The following IKBIP variants were observed in gnomAD, a reference collection of about 807,000 sequenced individuals.
IKBIP encodes inhibitor of nuclear factor kappa-B kinase-interacting protein.
In IKBIP, 28 loss-of-function variants were observed where a neutral mutation model predicts 31.0. The observed-to-expected ratio is 0.90, with a 90% CI of 0.67 to 1.24. The LOEUF (loss-of-function observed/expected upper bound fraction) is 1.24. Among genes scored for constraint, IKBIP ranks in the 50% most tolerant of loss-of-function variants. The pLI is 0.00. For synonymous variants in IKBIP, 164 were observed against 160.3 expected (o/e 1.02, Z -0.17); for missense variants, 453 against 441.9 (o/e 1.03, Z -0.23).
intron 2 of IKBIP, among the ~76,000 whole-genome samples, chr12:98,629,572 T>TACAC (rs367822747): frequency 6.6e-6 from 1 of 151,644 alleles, no homozygotes; most frequent in Non-Finnish European, 1.5e-5. Context: ...CATACATACA[T>TACAC]ACACACACAC....
At chr12:98,619,166 C>A (rs192079623) in intron 2 of IKBIP, among the ~76,000 whole-genome samples, 178 of 152,276 alleles carry the variant, frequency 1.2e-3, no homozygotes, top group African/African-American at 3.9e-3. Flanking sequence ...GGAAGGAAAC[C>A]AAGAAGTGAT....
intron 2 of IKBIP, among the ~76,000 whole-genome samples, chr12:98,627,229 A>G (rs1052510270): frequency 6.6e-6 from 1 of 151,776 alleles, no homozygotes; most frequent in African/African-American, 2.4e-5. Flanking sequence ...TCGGCCTCCC[A>G]AAGTACTAGA....
At chr12:98,640,968 G>C (rs2097629867) in intron 1 of IKBIP, among the ~76,000 whole-genome samples, 1 of 151,978 alleles carries the variant, frequency 6.6e-6, no homozygotes, top group Non-Finnish European at 1.5e-5. Context: ...TTACCATGTT[G>C]CCCAGGCTGG....
intron 2 of IKBIP, among the ~76,000 whole-genome samples, chr12:98,627,552 C>A (rs1189575399): frequency 1.3e-5 from 2 of 151,872 alleles, no homozygotes; most frequent in East Asian, 3.9e-4. Context: ...CATTCTCCTG[C>A]CTCAGCCTCC....
chr12:98,625,946 A>G lies in IKBIP; in HGVS notation c.1118T>C (p.Ile373Thr). ...LKEYNIENKG[I>T]GGDF ...GTCATGAATTTAAAAATCACCACCAATTCCTTTATTTTCTATATTATATTC... is the reference window on the plus strand; with the variant it reads ...GTCATGAATTTAAAAATCACCACCAGTTCCTTTATTTTCTATATTATATTC... The change falls in exon 3 of 3, where the codon ATT (isoleucine) becomes ACT (threonine). Residue 373 changes from isoleucine to threonine, a missense_variant. By Grantham distance (89) the Ile-to-Thr change is moderately conservative. Transcript: ENST00000299157. 2.2e-6 allele frequency: 3 copies of G among 1,389,746 alleles called. No homozygotes were observed. The highest frequency in any genetic ancestry group is 2.9e-6 in the Non-Finnish European group (3 of 1,045,176). The allele number at this position is 1,389,746 out of a possible 1,614,324, so 86.1% of individuals were successfully genotyped here.
At chr12:98,622,350 A>G (rs1331049049), downstream of IKBIP, among the ~76,000 whole-genome samples, 1 of 152,038 alleles carries the variant, frequency 6.6e-6, no homozygotes, top group Admixed American at 6.6e-5. Flanking sequence ...ACATAATGAG[A>G]CTGTTTCTAC....
rs560933497 is a variant in IKBIP at position 98,637,662 on chromosome 12, C to T, written c.180-3249G>A. ...GACCTCATGTTCCGCCTGCCTCAGC[C>T]TCCCAAAGTGCTGGGATTACAGGCG... is the stretch of plus-strand genomic sequence containing the variant. On this transcript the variant is annotated intron_variant, in intron 1 of 2. Transcript: ENST00000299157. Among the ~76,000 whole-genome samples, 114 of 152,308 alleles carry T rather than the reference C, an allele frequency of 7.5e-4. 1 individual carries two copies. The highest frequency in any genetic ancestry group is 2.6e-3 in the African/African-American group (107 of 41,574).
At chr12:98,627,915 T>C (rs2097616376) in intron 2 of IKBIP, among the ~76,000 whole-genome samples, 1 of 152,214 alleles carries the variant, frequency 6.6e-6, no homozygotes, top group South Asian at 2.1e-4. Flanking sequence ...CAACAATGAA[T>C]TAAAAAACAG....
intron 2 of IKBIP, among the ~76,000 whole-genome samples, chr12:98,617,123 C>T (rs2097606717): frequency 6.6e-6 from 1 of 152,156 alleles, no homozygotes; most frequent in Non-Finnish European, 1.5e-5. Flanking sequence ...TCTCAAGTTC[C>T]TAGTATGTTG....
chr12:98,613,741 A>G, exon 3 of IKBIP: 2 of 1,612,666 alleles, frequency 1.2e-6, no homozygotes, highest in Admixed American at 1.7e-5. Flanking sequence ...GTGTTAAATC[A>G]TTTACTAATG....
intron 2 of IKBIP, among the ~76,000 whole-genome samples, chr12:98,628,344 C>T (rs1230014816): frequency 6.6e-6 from 1 of 152,236 alleles, no homozygotes; most frequent in Non-Finnish European, 1.5e-5. Context: ...AATTAGCCTA[C>T]ACACTACTAC....
intron 1 of IKBIP, 63 bp downstream of exon 1, chr12:98,644,460 G>A (rs1216581889): frequency 6.1e-6 from 9 of 1,470,800 alleles, no homozygotes; most frequent in Non-Finnish European, 7.3e-6. Flanking sequence ...GTTGAGCCGG[G>A]TGGGAGCCCA....
At chr12:98,618,492 G>C (rs1027131615) in intron 2 of IKBIP, among the ~76,000 whole-genome samples, 61 of 152,002 alleles carry the variant, frequency 4.0e-4, no homozygotes, top group African/African-American at 1.4e-3. Context: ...CGGGCGTAGT[G>C]GTGGGCGCCT....
exon 3 of IKBIP, chr12:98,614,213 A>G: frequency 6.2e-7 from 1 of 1,613,906 alleles, no homozygotes; most frequent in Non-Finnish European, 8.5e-7. Context: ...GTTGTTCAGT[A>G]TATCCTGTTT....
chr12:98,623,775 T>C (rs949114110), downstream of IKBIP, among the ~76,000 whole-genome samples: 2 of 150,918 alleles, frequency 1.3e-5, no homozygotes, highest in Non-Finnish European at 2.9e-5. Flanking sequence ...AGGATATTGG[T>C]AATTTTCCCT....
At position 98,626,136 on chromosome 12, in the gene IKBIP, C is replaced by A. The variant is rs1398202494; in HGVS notation, c.928G>T (p.Asp310Tyr). 1 of 1,610,276 alleles carries A rather than the reference C, an allele frequency of 6.2e-7. No homozygotes were observed. Residue 310 changes from aspartate (D) to tyrosine (Y), a missense_variant, in exon 3 of 3, where the codon GAT becomes TAT. By Grantham distance (160) the Asp-to-Tyr change is radical. Coordinates refer to ENST00000299157, the MANE Select transcript of IKBIP (RefSeq NM_153687.4). ...ATTTCAGACACTGCTTTCAGCATAT[C>A]ATCTTCCATATTAAACATCTGCATA... is the stretch of plus-strand genomic sequence containing the variant. ...LTMQMFNMED[D>Y]MLKAVSEIME...
chr12:98,634,272 C>A lies in IKBIP; in HGVS notation c.297+24G>T, dbSNP rs772531794. 2.6e-6 allele frequency: 3 copies of A among 1,133,050 alleles called. No individual in the cohort carries two copies. In the South Asian group the frequency reaches 3.8e-5, roughly 14 times the overall value. The allele number at this position is 1,133,050 out of a possible 1,614,324, so 70.2% of individuals were successfully genotyped here. ...GGGGTAGTAAAATGGGAAAACCGTC[C>A]CAGATAAGCCAATTAATGATTACCT... On this transcript the variant is annotated intron_variant, in intron 2 of 2. Coordinates refer to ENST00000299157, the MANE Select transcript of IKBIP (RefSeq NM_153687.4).
chr12:98,641,798 G>T lies in IKBIP; in HGVS notation c.179+2725C>A, dbSNP rs927220103. Among the ~76,000 whole-genome samples, 15 of 3,390 alleles carry T rather than the reference G, an allele frequency of 4.4e-3. No individual in the cohort carries two copies. The African/African-American group carries it at 0.081, about 18-fold the overall frequency. The allele number at this position is 3,390 out of a possible 152,430, so 2.2% of individuals were successfully genotyped here. A position where few individuals can be genotyped will look rare whatever the true frequency, so the allele number is the denominator to read the frequency against. On this transcript the variant is annotated intron_variant, in intron 1 of 2. Transcript: ENST00000299157. ...AGCCTCCCAAGTACCTGGGACTACAGCGAATGCCACCACACTTGGCTAATA... is the reference window on the plus strand; with the variant it reads ...AGCCTCCCAAGTACCTGGGACTACATCGAATGCCACCACACTTGGCTAATA...
chr12:98,615,855 C>T (rs1342315478), intron 2 of IKBIP, among the ~76,000 whole-genome samples: 1 of 152,084 alleles, frequency 6.6e-6, no homozygotes, highest in Admixed American at 6.6e-5. Context: ...GGGAGAACCG[C>T]ATTTTGTGTG....
Sources: gnomAD v4.1 joint callset for allele counts (sites outside exome capture counted in the v4.1 genomes callset) on GRCh38, gnomAD v4.1.1 for gene constraint, MANE v1.5 for transcripts, NCBI Gene and HGNC (gene_info 2026-07-23, HGNC 2026-07-21) for gene names.